FGF10: variants seen among roughly 807,000 people sequenced by gnomAD.
FGF10 encodes FGF-10.
A neutral mutation model predicts 19.8 loss-of-function variants in FGF10; 2 were observed. That is an observed-to-expected ratio of 0.10 (90% CI 0.04 to 0.32). The LOEUF (loss-of-function observed/expected upper bound fraction) is 0.32, where lower values mean the gene tolerates loss of function less well. Among genes scored for constraint, FGF10 ranks in the 10% least tolerant of loss-of-function variants. FGF10 has a pLI of 1.00. For synonymous variants in FGF10, 112 were observed against 94.0 expected (o/e 1.19, Z -1.10); for missense variants, 191 against 246.3 (o/e 0.78, Z 1.50).
At chr5:44,366,383 T>C (rs1741615144) in intron 1 of FGF10, among the ~76,000 whole-genome samples, 1 of 151,928 alleles carries the variant, frequency 6.6e-6, no homozygotes. Context: ...ACATCTGAAA[T>C]AACTCAGACA....
At chr5:44,328,575 T>C (rs529101624) in intron 1 of FGF10, among the ~76,000 whole-genome samples, 21 of 152,028 alleles carry the variant, frequency 1.4e-4, no homozygotes, top group Non-Finnish European at 3.1e-4. Context: ...CTGGGCACCA[T>C]AGTGAGACCG....
chr5:44,327,473 T>C (rs1579907781), intron 1 of FGF10, among the ~76,000 whole-genome samples: 1 of 152,110 alleles, frequency 6.6e-6, no homozygotes, highest in East Asian at 1.9e-4. Flanking sequence ...TTAAAAAGAG[T>C]CCCTTAACCA....
intron 1 of FGF10, among the ~76,000 whole-genome samples, chr5:44,369,953 T>C (rs1407764827): frequency 6.6e-6 from 1 of 152,136 alleles, no homozygotes; most frequent in Non-Finnish European, 1.5e-5. Flanking sequence ...AATTTAGTGT[T>C]ACTCTTAATT....
At chr5:44,359,547 A>G (rs1462133708) in intron 1 of FGF10, among the ~76,000 whole-genome samples, 1 of 151,414 alleles carries the variant, frequency 6.6e-6, no homozygotes, top group Non-Finnish European at 1.5e-5. Flanking sequence ...TTTCAGTCTA[A>G]TAGACTGGGC....
chr5:44,387,331 GGAAAGAGA>G (rs973062665), intron 1 of FGF10, among the ~76,000 whole-genome samples: 44 of 152,064 alleles, frequency 2.9e-4, no homozygotes, highest in African/African-American at 9.9e-4. Context: ...AAGAAAGAAG[GGAAAGAGA>G]GAAAGAAGGA....
intron 1 of FGF10, among the ~76,000 whole-genome samples, chr5:44,371,181 T>C (rs1441939118): frequency 6.6e-6 from 1 of 152,036 alleles, no homozygotes; most frequent in Non-Finnish European, 1.5e-5. Flanking sequence ...TGGATTATAA[T>C]GGGAGTAGAA....
chr5:44,300,860 T>G lies in FGF10; in HGVS notation c.*4135A>C, dbSNP rs1739952468. ...ACTGATTGGTCTAGAGGTTGGTATG[T>G]TATCCAAACCTGGCCAATAAGAGTT... On this transcript the variant is annotated 3_prime_UTR_variant, in exon 3 of 3. Transcript: ENST00000264664. 6.6e-6 allele frequency among the ~76,000 whole-genome samples: 1 copy of G among 152,078 alleles called. No homozygotes were observed. Among genetic ancestry groups the G allele is most frequent in the South Asian group, 2.1e-4 (1 of 4,816 alleles).
At chr5:44,338,837 G>A (rs76399717) in intron 1 of FGF10, among the ~76,000 whole-genome samples, 2,199 of 152,240 alleles carry the variant, frequency 0.014, 90 homozygotes, top group East Asian at 0.12. Flanking sequence ...TATTGTTATT[G>A]AGCGAGGAAT....
chr5:44,356,226 T>C (rs1274714888), intron 1 of FGF10, among the ~76,000 whole-genome samples: 9 of 151,420 alleles, frequency 5.9e-5, no homozygotes, highest in African/African-American at 2.2e-4. Context: ...GTGGGTAATA[T>C]CTAAAGGCTC....
chr5:44,325,232 A>G (rs1388031545), intron 1 of FGF10, among the ~76,000 whole-genome samples: 1 of 152,114 alleles, frequency 6.6e-6, no homozygotes, highest in Admixed American at 6.6e-5. Flanking sequence ...AAGTCAGGAA[A>G]CAACAGGTGC....
chr5:44,355,905 C>G (rs1034253284), intron 1 of FGF10, among the ~76,000 whole-genome samples: 2 of 151,316 alleles, frequency 1.3e-5, no homozygotes, highest in Non-Finnish European at 3.0e-5. Context: ...AGACTTGATC[C>G]ACTAATACTT....
intron 1 of FGF10, among the ~76,000 whole-genome samples, chr5:44,321,646 C>T (rs1445907395): frequency 1.3e-5 from 2 of 152,172 alleles, no homozygotes; most frequent in Non-Finnish European, 2.9e-5. Flanking sequence ...AAAAATGTCA[C>T]TTGAACTTAA....
At position 44,301,757 on chromosome 5, in the gene FGF10, G is replaced by C. The variant is rs984886422; in HGVS notation, c.*3238C>G. Among the ~76,000 whole-genome samples, 4 of 152,132 alleles carry C rather than the reference G, an allele frequency of 2.6e-5. No homozygotes were observed. Among genetic ancestry groups the C allele is most frequent in the Non-Finnish European group, 2.9e-5 (2 of 68,020 alleles). ...TTTTCTGTTGTTGTTGTTTGGGGCTGTGGGGCATTTAACCACATCCTGCCA... is the reference window on the plus strand; with the variant it reads ...TTTTCTGTTGTTGTTGTTTGGGGCTCTGGGGCATTTAACCACATCCTGCCA... On this transcript the variant is annotated 3_prime_UTR_variant, in exon 3 of 3. Coordinates refer to ENST00000264664, the MANE Select transcript of FGF10 (RefSeq NM_004465.2).
At chr5:44,330,437 G>C (rs1252745978) in intron 1 of FGF10, among the ~76,000 whole-genome samples, 4 of 152,190 alleles carry the variant, frequency 2.6e-5, no homozygotes, top group Non-Finnish European at 4.4e-5. Context: ...TTTAAGATCA[G>C]ATCCAAGCCT....
At chr5:44,330,090 TAC>T (rs796826873) in intron 1 of FGF10, among the ~76,000 whole-genome samples, 18 of 152,326 alleles carry the variant, frequency 1.2e-4, no homozygotes, top group African/African-American at 4.3e-4. Context: ...ATTTACCCAA[TAC>T]TTACTCAAAA....
intron 1 of FGF10, among the ~76,000 whole-genome samples, chr5:44,351,917 G>T (rs546216468): frequency 6.6e-6 from 1 of 151,618 alleles, no homozygotes; most frequent in Admixed American, 6.6e-5. Context: ...TACGTTTAAG[G>T]TCTGGATTTT....
Position 44,302,463 on chromosome 5 carries a change from A to C in FGF10, c.*2532T>G, listed in dbSNP as rs868660657. Among the ~76,000 whole-genome samples, 1 of 151,938 alleles carries C rather than the reference A, an allele frequency of 6.6e-6. No homozygotes were observed. Among genetic ancestry groups the C allele is most frequent in the Non-Finnish European group, 1.5e-5 (1 of 68,006 alleles). On this transcript the variant is annotated 3_prime_UTR_variant, in exon 3 of 3. Transcript: ENST00000264664. ...AGCCTCAAACTCCTGGGCCCAAGAG[A>C]TCCTTCCGTTTCAGCCTCCTGAGTA...
chr5:44,367,717 A>ATTT (rs1416377240), intron 1 of FGF10, among the ~76,000 whole-genome samples: 28 of 152,102 alleles, frequency 1.8e-4, no homozygotes, highest in Non-Finnish European at 3.8e-4. Flanking sequence ...AGTTATTATT[A>ATTT]TTTTCTCCTA....
intron 1 of FGF10, among the ~76,000 whole-genome samples, chr5:44,378,415 A>G (rs931211655): frequency 1.3e-5 from 2 of 152,190 alleles, no homozygotes; most frequent in Non-Finnish European, 2.9e-5. Flanking sequence ...TATGAATATT[A>G]CAATTCCAAA....
Sources: gnomAD v4.1 joint callset for allele counts (sites outside exome capture counted in the v4.1 genomes callset) on GRCh38, gnomAD v4.1.1 for gene constraint, MANE v1.5 for transcripts, NCBI Gene and HGNC (gene_info 2026-07-23, HGNC 2026-07-21) for gene names.